The following GPC5 variants were observed in gnomAD, a reference collection of about 807,000 sequenced individuals.
The protein encoded by GPC5 is glypican-5.
GPC5 carries 47 observed loss-of-function variants against 53.9 expected under a neutral mutation model. The observed-to-expected ratio is 0.87, with a 90% CI of 0.69 to 1.11. The LOEUF is 1.11. Ranked by LOEUF, GPC5 falls within the 50% of genes most tolerant of loss-of-function variation. The pLI is 0.00. For synonymous variants in GPC5, 286 were observed against 263.3 expected (o/e 1.09, Z -0.84); for missense variants, 748 against 713.1 (o/e 1.05, Z -0.56).
intron 2 of GPC5, among the ~76,000 whole-genome samples, chr13:91,647,877 A>G (rs2034599448): frequency 6.6e-6 from 1 of 152,176 alleles, no homozygotes; most frequent in Non-Finnish European, 1.5e-5. Flanking sequence ...ACTCTTTCTA[A>G]CACACTGTAT....
chr13:92,763,521 A>T (rs1181448916), intron 7 of GPC5, among the ~76,000 whole-genome samples: 1 of 152,198 alleles, frequency 6.6e-6, no homozygotes, highest in South Asian at 2.1e-4. Context: ...GCTCAGAATG[A>T]TCCTCTTGGT....
At chr13:92,236,030 T>C (rs1429965008) in intron 7 of GPC5, among the ~76,000 whole-genome samples, 1 of 152,108 alleles carries the variant, frequency 6.6e-6, no homozygotes, top group Non-Finnish European at 1.5e-5. Context: ...TCCTTTACTA[T>C]AAGAGAAGTC....
At chr13:91,766,518 G>A (rs2037527244) in intron 5 of GPC5, among the ~76,000 whole-genome samples, 2 of 152,174 alleles carry the variant, frequency 1.3e-5, no homozygotes, top group Admixed American at 1.3e-4. Context: ...CCAGTGATGT[G>A]AATTAAGACA....
intron 7 of GPC5, among the ~76,000 whole-genome samples, chr13:92,564,694 G>C (rs1045829891): frequency 2.6e-5 from 4 of 151,862 alleles, no homozygotes; most frequent in African/African-American, 7.3e-5. Flanking sequence ...CCCTCTAGCA[G>C]ACCCCACTGT....
chr13:92,476,255 A>G (rs189513216), intron 7 of GPC5, among the ~76,000 whole-genome samples: 26 of 152,334 alleles, frequency 1.7e-4, no homozygotes, highest in African/African-American at 6.0e-4. Flanking sequence ...ACACTTCTCA[A>G]ACAAAGACAT....
intron 7 of GPC5, among the ~76,000 whole-genome samples, chr13:92,399,576 G>T (rs1216021891): frequency 2.0e-5 from 3 of 152,082 alleles, no homozygotes; most frequent in Non-Finnish European, 4.4e-5. Flanking sequence ...GCAGAGGCCT[G>T]TTGTTCCCGT....
intron 6 of GPC5, among the ~76,000 whole-genome samples, chr13:92,130,949 A>G (rs188347513): frequency 6.6e-6 from 1 of 151,974 alleles, no homozygotes; most frequent in Non-Finnish European, 1.5e-5. Context: ...TAGTAAAAAA[A>G]CAGAAACAGA....
chr13:91,656,828 C>T lies in GPC5; in HGVS notation c.326-36359C>T, dbSNP rs1385511805. On this transcript the variant is annotated intron_variant, in intron 2 of 7. Transcript: ENST00000377067. ...GTTTGTCCATGTGTTCAACAAATTA[C>T]ATAATGTTTGTCCATTTGTTCAACA... is the stretch of plus-strand genomic sequence containing the variant. 3.9e-5 allele frequency among the ~76,000 whole-genome samples: 6 copies of T among 152,142 alleles called. No individual in the cohort carries two copies. The East Asian group carries it at 1.2e-3, about 29-fold the overall frequency.
chr13:91,645,719 C>T (rs1275002680), intron 2 of GPC5, among the ~76,000 whole-genome samples: 1 of 152,210 alleles, frequency 6.6e-6, no homozygotes, highest in African/African-American at 2.4e-5. Flanking sequence ...TTGTATGTAT[C>T]TGTGGGATGC....
intron 7 of GPC5, among the ~76,000 whole-genome samples, chr13:92,791,409 ATG>A (rs1876456901): frequency 7.7e-6 from 1 of 130,366 alleles, no homozygotes; most frequent in Non-Finnish European, 1.6e-5. Context: ...TTGTGAGTGT[ATG>A]TGTGTGAGTG....
chr13:92,578,021 G>T (rs1883243998), intron 7 of GPC5, among the ~76,000 whole-genome samples: 1 of 152,172 alleles, frequency 6.6e-6, no homozygotes, highest in Non-Finnish European at 1.5e-5. Flanking sequence ...GTTTATTTGT[G>T]AAAATAGTTG....
chr13:91,742,135 C>A (rs1378765467), intron 4 of GPC5, among the ~76,000 whole-genome samples: 1 of 152,098 alleles, frequency 6.6e-6, no homozygotes, highest in Non-Finnish European at 1.5e-5. Context: ...TCATGAGCTA[C>A]AAGGCAGGCC....
intron 7 of GPC5, among the ~76,000 whole-genome samples, chr13:92,396,459 T>C (rs890036131): frequency 1.3e-5 from 2 of 152,206 alleles, no homozygotes; most frequent in East Asian, 3.9e-4. Flanking sequence ...AGTCCAACAC[T>C]TGTGTTAAAT....
At chr13:92,212,340 C>A (rs1234180639) in intron 7 of GPC5, among the ~76,000 whole-genome samples, 2 of 152,066 alleles carry the variant, frequency 1.3e-5, no homozygotes, top group Admixed American at 6.6e-5. Flanking sequence ...GTCTAGAGCT[C>A]TGAAGTATGA....
At chr13:91,707,352 G>T (rs2036128637) in intron 3 of GPC5, among the ~76,000 whole-genome samples, 1 of 152,192 alleles carries the variant, frequency 6.6e-6, no homozygotes, top group Non-Finnish European at 1.5e-5. Context: ...AGCTGGACAT[G>T]ATAGCTCAGC....
intron 7 of GPC5, among the ~76,000 whole-genome samples, chr13:92,467,494 CATTT>C (rs1166077479): frequency 6.6e-6 from 1 of 152,018 alleles, no homozygotes; most frequent in East Asian, 1.9e-4. Context: ...AAATATTGAG[CATTT>C]ATTATGTATT....
chr13:92,188,343 G>T (rs1396303859), intron 7 of GPC5, among the ~76,000 whole-genome samples: 1 of 152,110 alleles, frequency 6.6e-6, no homozygotes, highest in Non-Finnish European at 1.5e-5. Context: ...TACAATAGGA[G>T]AAATTCATGT....
chr13:91,566,922 C>T (rs1347855421), intron 2 of GPC5, among the ~76,000 whole-genome samples: 1 of 140,462 alleles, frequency 7.1e-6, no homozygotes, highest in Non-Finnish European at 1.5e-5. Context: ...AATTATTTTT[C>T]TTCCAATTCT....
chr13:92,753,084 G>T (rs1297705043), intron 7 of GPC5, among the ~76,000 whole-genome samples: 1 of 152,180 alleles, frequency 6.6e-6, no homozygotes, highest in Non-Finnish European at 1.5e-5. Flanking sequence ...AGACTTAAAT[G>T]TCCCTCTGAC....
Sources: gnomAD v4.1 joint callset for allele counts (sites outside exome capture counted in the v4.1 genomes callset) on GRCh38, gnomAD v4.1.1 for gene constraint, MANE v1.5 for transcripts, NCBI Gene and HGNC (gene_info 2026-07-23, HGNC 2026-07-21) for gene names.